The following SYN3 variants were observed in gnomAD, a reference collection of about 807,000 sequenced individuals.
The protein encoded by SYN3 is synapsin III.
SYN3 carries 35 observed loss-of-function variants against 65.8 expected under a neutral mutation model. The observed-to-expected ratio is 0.53, with a 90% confidence interval of 0.41 to 0.70. SYN3 has a LOEUF of 0.70. Among genes scored for constraint, SYN3 ranks in the 30% least tolerant of loss-of-function variants. SYN3 has a pLI of 0.00. For missense variants in SYN3, 680 were observed against 749.0 expected, an observed-to-expected ratio of 0.91 and a Z score of 1.08; for synonymous variants, 270 against 292.9, an observed-to-expected ratio of 0.92 and a Z score of 0.80.
At chr22:32,636,258 C>CGGGCGT (rs1207351712) in intron 6 of SYN3, among the ~76,000 whole-genome samples, 2 of 152,012 alleles carry the variant, frequency 1.3e-5, no homozygotes, top group Admixed American at 1.3e-4. Context: ...AAAAATCAGC[C>CGGGCGT]GGGCGTGGTG....
At chr22:32,898,285 G>A (rs1055335050) in intron 4 of SYN3, among the ~76,000 whole-genome samples, 5 of 152,032 alleles carry the variant, frequency 3.3e-5, no homozygotes, top group African/African-American at 9.7e-5. Flanking sequence ...GAGCCACTGC[G>A]CCCGGCCCCA....
At chr22:32,655,590 G>A (rs369005784) in intron 6 of SYN3, among the ~76,000 whole-genome samples, 239 of 152,236 alleles carry the variant, frequency 1.6e-3, no homozygotes, top group African/African-American at 5.5e-3. Flanking sequence ...GATTCTCATA[G>A]GAGCGTGGAC....
chr22:32,847,089 C>A (rs911945101), intron 6 of SYN3, among the ~76,000 whole-genome samples: 3 of 152,186 alleles, frequency 2.0e-5, no homozygotes, highest in Non-Finnish European at 4.4e-5. Context: ...CCACACCCCC[C>A]GGCCAAGACT....
At chr22:32,612,100 A>C (rs1189166858) in intron 6 of SYN3, among the ~76,000 whole-genome samples, 2 of 151,922 alleles carry the variant, frequency 1.3e-5, no homozygotes, top group African/African-American at 2.4e-5. Flanking sequence ...TGTCCTTGGG[A>C]CCCTTCTGGA....
At chr22:32,566,865 A>G (rs2058678804) in intron 7 of SYN3, among the ~76,000 whole-genome samples, 1 of 152,188 alleles carries the variant, frequency 6.6e-6, no homozygotes, top group Non-Finnish European at 1.5e-5. Flanking sequence ...GAGTGAGAAG[A>G]AACGGACAGG....
At chr22:32,531,078 T>G (rs1418795760) in intron 10 of SYN3, among the ~76,000 whole-genome samples, 8 of 147,740 alleles carry the variant, frequency 5.4e-5, no homozygotes. Context: ...CGCCTGGGTT[T>G]TGCCAGGGCC....
chr22:32,991,207 C>T lies in SYN3; in HGVS notation c.312-10505G>A, dbSNP rs893812228. ...CAAAAAAAGAAAAAAAAAAATTAGC[C>T]GGGCATGGTGGTGCATACTACCGGG... On this transcript the variant is annotated intron_variant, in intron 2 of 13. Coordinates refer to ENST00000358763, the MANE Select transcript of SYN3 (RefSeq NM_003490.4). Among the ~76,000 whole-genome samples, 9 of 149,614 alleles carry T rather than the reference C, an allele frequency of 6.0e-5. 1 individual carries two copies. Among genetic ancestry groups the T allele is most frequent in the East Asian group, 3.9e-4 (2 of 5,088 alleles).
At chr22:32,927,761 T>C (rs1378052501) in intron 4 of SYN3, among the ~76,000 whole-genome samples, 1 of 152,146 alleles carries the variant, frequency 6.6e-6, no homozygotes, top group African/African-American at 2.4e-5. Context: ...TCTGAGGTCA[T>C]TTTATTTTTG....
At chr22:32,741,124 A>C (rs1381726584) in intron 6 of SYN3, among the ~76,000 whole-genome samples, 1 of 152,190 alleles carries the variant, frequency 6.6e-6, no homozygotes, top group Non-Finnish European at 1.5e-5. Context: ...CCCCCAAAAC[A>C]CTGGGAGATG....
intron 7 of SYN3, among the ~76,000 whole-genome samples, chr22:32,542,653 TGC>T (rs150757283): frequency 0.074 from 10,464 of 142,204 alleles, 398 homozygotes; most frequent in African/African-American, 0.11. Flanking sequence ...TGTGTGTGTG[TGC>T]GCGCGCACAC....
At chr22:32,926,908 C>G (rs931483840) in intron 4 of SYN3, among the ~76,000 whole-genome samples, 7 of 152,176 alleles carry the variant, frequency 4.6e-5, no homozygotes, top group Middle Eastern at 3.2e-3. Flanking sequence ...AGCATTCACT[C>G]TCTGGGGTTC....
chr22:32,999,451 G>A (rs185484044), intron 2 of SYN3, among the ~76,000 whole-genome samples: 2 of 152,188 alleles, frequency 1.3e-5, no homozygotes, highest in East Asian at 1.9e-4. Context: ...CCGGGAGGCC[G>A]AGGCAGGCAG....
intron 3 of SYN3, among the ~76,000 whole-genome samples, chr22:32,945,224 A>C (rs1453519623): frequency 6.6e-6 from 1 of 152,240 alleles, no homozygotes; most frequent in Non-Finnish European, 1.5e-5. Flanking sequence ...AAAAGAGCCC[A>C]CACTGCCAAG....
chr22:32,995,791 T>C (rs1298226414), intron 2 of SYN3, among the ~76,000 whole-genome samples: 2 of 152,124 alleles, frequency 1.3e-5, no homozygotes, highest in African/African-American at 4.8e-5. Flanking sequence ...GCCTCCCAAG[T>C]AGCTGGGATT....
chr22:32,520,581 A>G (rs1219118236), intron 12 of SYN3, among the ~76,000 whole-genome samples: 1 of 152,190 alleles, frequency 6.6e-6, no homozygotes, highest in Non-Finnish European at 1.5e-5. Context: ...TGAAAACTAC[A>G]CCACGCAGGC....
intron 4 of SYN3, among the ~76,000 whole-genome samples, chr22:32,882,422 G>A (rs1296920554): frequency 6.6e-6 from 1 of 152,018 alleles, no homozygotes; most frequent in Admixed American, 6.6e-5. Flanking sequence ...AAACAAATTC[G>A]GCTAAATGTT....
intron 6 of SYN3, among the ~76,000 whole-genome samples, chr22:32,762,746 C>A (rs1402454356): frequency 6.6e-6 from 1 of 152,172 alleles, no homozygotes; most frequent in Non-Finnish European, 1.5e-5. Context: ...TGGGGGCACG[C>A]CCTGGTTCCC....
intron 9 of SYN3, among the ~76,000 whole-genome samples, chr22:32,536,101 C>T (rs2058160567): frequency 6.6e-6 from 1 of 152,214 alleles, no homozygotes; most frequent in Non-Finnish European, 1.5e-5. Context: ...GGATAGGTGG[C>T]CTGCTGGGGA....
rs764003810 is a variant in SYN3, at chr22:32,518,177, A to G, written c.1476T>C (p.Ser492=). Residue 492 remains serine, a synonymous_variant, in exon 13 of 14, where the codon AGT becomes AGC. Coordinates refer to ENST00000358763, the MANE Select transcript of SYN3 (RefSeq NM_003490.4). Reference sequence around the variant, plus strand: ...TGGAGGCCTGGTTTGGGGAGCTGCCACTGGATGCCCGGGATAGCTGCGGAG... The same window carrying G: ...TGGAGGCCTGGTTTGGGGAGCTGCCGCTGGATGCCCGGGATAGCTGCGGAG... ...PGSPQLSRAS[S]GSSPNQASKP... The G allele has an allele frequency of 6.2e-7, 1 of 1,613,706 alleles. No homozygotes were observed. Among genetic ancestry groups the G allele is most frequent in the South Asian group, 1.1e-5 (1 of 90,998 alleles).
Sources: allele counts gnomAD v4.1 joint callset (sites outside exome capture counted in the v4.1 genomes callset), GRCh38; gene constraint gnomAD v4.1.1; transcripts MANE v1.5; gene names NCBI Gene and HGNC (gene_info 2026-07-23, HGNC 2026-07-21).